ZNF311: variants seen among roughly 807,000 people sequenced by gnomAD.
ZNF311 encodes the protein zinc finger protein zfp31.
A neutral mutation model predicts 22.7 loss-of-function variants in ZNF311; 14 were observed. That is an observed-to-expected ratio of 0.62 (90% CI 0.41 to 0.96). ZNF311 has a LOEUF of 0.96. ZNF311 is among the 40% of genes least tolerant of loss of function. The pLI, the probability that ZNF311 is intolerant of heterozygous loss-of-function variation, is 0.00. For synonymous variants in ZNF311, 250 were observed against 275.3 expected, an observed-to-expected ratio of 0.91 and a Z score of 0.91; for missense variants, 731 against 799.0, an observed-to-expected ratio of 0.91 and a Z score of 1.03.
chr6:28,998,461 G>C (rs1779944569), intron 6 of ZNF311, among the ~76,000 whole-genome samples: 1 of 152,044 alleles, frequency 6.6e-6, no homozygotes, highest in African/African-American at 2.4e-5. Context: ...CAAATTGCTG[G>C]GATTACAGGC....
chr6:28,999,778 G>A, intron 4 of ZNF311, 165 bp from the exon 5 acceptor site: 1 of 1,262,536 alleles, frequency 7.9e-7, no homozygotes, highest in Non-Finnish European at 1.1e-6. Context: ...GGTTTTGATA[G>A]CAAAAAATAA....
At position 28,994,976 on chromosome 6, in the gene ZNF311, G is replaced by C. The variant is rs1184362151; in HGVS notation, c.*25C>G. 6.4e-6 allele frequency: 10 copies of C among 1,555,252 alleles called. No homozygotes were observed. The highest frequency in any genetic ancestry group is 1.4e-5 in the African/African-American group (1 of 72,952). ...ACCAGCCTAAGAGGTAGGAAAAACA[G>C]AAAGTAACACCAGAATCGTTATACT... On this transcript the variant is annotated 3_prime_UTR_variant, in exon 7 of 7. Coordinates refer to ENST00000377179, the MANE Select transcript of ZNF311 (RefSeq NM_001382360.1).
chr6:29,003,912 C>T, intron 2 of ZNF311, 34 bp downstream of exon 2: 1 of 1,612,896 alleles, frequency 6.2e-7, no homozygotes, highest in Admixed American at 1.7e-5. Context: ...CCTTCTTCCT[C>T]CTTGTGATGT....
rs757240376 is a variant in ZNF311 at position 28,996,638 on chromosome 6, G to A, written c.416-52C>T. 7 of 1,524,608 alleles carry A rather than the reference G, an allele frequency of 4.6e-6. No individual in the cohort carries two copies. In the African/African-American group the frequency reaches 8.3e-5, roughly 18 times the overall value. 94.4% of individuals were successfully genotyped at this position (1,524,608 alleles called of 1,614,324 possible). A position where few individuals can be genotyped will look rare whatever the true frequency, so the allele number is the denominator to read the frequency against. ...AGGGAAGGAAATAAGTGAGATGGGA[G>A]GCGTGAAGCAATGTTAAGCTGTTTG... On this transcript the variant is annotated intron_variant, in intron 6 of 6. Transcript: ENST00000377179.
In ZNF311 at chr6:28,999,519, A is replaced by T. The variant is rs1356105547; in HGVS notation, c.278T>A (p.Met93Lys). The change falls in exon 5 of 7, where the codon ATG becomes AAG. Residue 93 changes from methionine to lysine, a missense_variant. Met to Lys is a moderately conservative substitution (Grantham distance 95). Transcript: ENST00000377179. ...YAQRHLYKDV[M>K]LENYGNMVSL... The stretch of plus-strand genomic sequence containing the variant: ...TACCATGTTCCCATAATTTTCCAAC[A>T]TCACATCCTTATAGAGATGCCTTTG... The T allele has an allele frequency of 3.7e-6, 6 of 1,613,172 alleles. No homozygotes were observed. In the South Asian group the frequency reaches 6.6e-5, roughly 18 times the overall value.
intron 6 of ZNF311, 128 bp downstream of exon 6, chr6:28,998,606 T>A (rs959030956): frequency 3.2e-6 from 2 of 628,880 alleles, no homozygotes; most frequent in African/African-American, 3.7e-5. Flanking sequence ...CAATTTTCTT[T>A]TCCTTAAGTT....
chr6:29,003,459 C>T (rs1780730520), intron 3 of ZNF311, 54 bp downstream of exon 3: 1 of 1,562,772 alleles, frequency 6.4e-7, no homozygotes. Context: ...ACTCTGTGTC[C>T]TTACTACATT....
intron 1 of ZNF311, among the ~76,000 whole-genome samples, chr6:29,004,560 T>A (rs981419431): frequency 2.9e-4 from 43 of 148,014 alleles, no homozygotes; most frequent in African/African-American, 1.0e-3. Flanking sequence ...AATAGGGCAG[T>A]CTGAGTAGTC....
chr6:28,999,867 T>A, intron 4 of ZNF311, 89 bp downstream of exon 4: 1 of 1,402,042 alleles, frequency 7.1e-7, no homozygotes, highest in Non-Finnish European at 9.9e-7. Flanking sequence ...GATTTAGGAG[T>A]TGCACAGCCA....
rs1323420350 is a variant in ZNF311, at chr6:28,999,471, T to G, written c.310+16A>C. On this transcript the variant is annotated intron_variant, in intron 5 of 6. Coordinates refer to ENST00000377179, the MANE Select transcript of ZNF311 (RefSeq NM_001382360.1). Reference sequence around the variant, plus strand: ...AAAAGAAGGTAGAAAGCATTAAGTGTAGGGAAGGTCCTTACCAAGTGATAC... The same window carrying G: ...AAAAGAAGGTAGAAAGCATTAAGTGGAGGGAAGGTCCTTACCAAGTGATAC... The G allele has an allele frequency of 6.2e-7, 1 of 1,600,740 alleles. No individual in the cohort carries two copies. Among genetic ancestry groups the G allele is most frequent in the African/African-American group, 1.3e-5 (1 of 74,394 alleles).
chr6:28,996,886 C>T (rs997953210), intron 6 of ZNF311, among the ~76,000 whole-genome samples: 1 of 152,238 alleles, frequency 6.6e-6, no homozygotes, highest in Non-Finnish European at 1.5e-5. Flanking sequence ...AACTCTGTCT[C>T]CCTTGTATTT....
chr6:29,004,082 T>C lies in ZNF311; in HGVS notation c.-128A>G. 3.1e-6 allele frequency: 5 copies of C among 1,601,078 alleles called. No individual in the cohort carries two copies. ...GCCAGCCTCCTTTGGAGAACACATG[T>C]TTTGGTGGTGCCAGCCAAAGGGCCC... On this transcript the variant is annotated 5_prime_UTR_variant, in exon 2 of 7. Coordinates refer to ENST00000377179, the MANE Select transcript of ZNF311 (RefSeq NM_001382360.1).
In ZNF311 at chr6:28,995,342, G is replaced by A; in HGVS notation, c.1660C>T (p.Pro554Ser). Residue 554 changes from proline (P) to serine (S), a missense_variant, in exon 7 of 7, where the codon CCT becomes TCT. By Grantham distance (74) the Pro-to-Ser change is moderately conservative. Transcript: ENST00000377179. The surrounding 1 kb of genome is among the most constrained non-coding windows in gnomAD (Gnocchi z 4.7). ...NHRRIHTGEK[P>S]HKCEVCGMAF... The stretch of plus-strand genomic sequence containing the variant: ...ATTCCACATACCTCACATTTGTGAG[G>A]CTTCTCTCCAGTGTGAATTCTTCGA... The A allele has an allele frequency of 6.2e-7, 1 of 1,614,018 alleles. No individual in the cohort carries two copies. Among genetic ancestry groups the A allele is most frequent in the South Asian group, 1.1e-5 (1 of 91,084 alleles).
At position 28,996,324 on chromosome 6, in the gene ZNF311, T is replaced by C. The variant is rs1256859355; in HGVS notation, c.678A>G (p.Lys226=). The C allele has an allele frequency of 6.2e-7, 1 of 1,612,798 alleles. No homozygotes were observed. The highest frequency in any genetic ancestry group is 1.3e-5 in the African/African-American group (1 of 74,938). Residue 226 remains lysine, a synonymous_variant, in exon 7 of 7, where the codon AAA becomes AAG. Coordinates refer to ENST00000377179, the MANE Select transcript of ZNF311 (RefSeq NM_001382360.1). The part of the protein sequence containing the change: ...KKGKNQKVLS[K]NLNPNSKHSQ... ...TATGTTTTGAGTTTGGATTCAAGTTTTTACTAAGCACTTTCTGGTTCTTTC... is the reference window on the plus strand; with the variant it reads ...TATGTTTTGAGTTTGGATTCAAGTTCTTACTAAGCACTTTCTGGTTCTTTC...
chr6:29,000,679 A>G (rs993353857), intron 3 of ZNF311, among the ~76,000 whole-genome samples: 1 of 152,154 alleles, frequency 6.6e-6, no homozygotes, highest in African/African-American at 2.4e-5. Context: ...CTATGTCAAT[A>G]TAGTATAGCA....
Position 29,003,532 on chromosome 6 carries a change from G to C in ZNF311, c.72C>G (p.Thr24=), listed in dbSNP as rs766112767. 2.6e-5 allele frequency: 42 copies of C among 1,612,830 alleles called. No individual in the cohort carries two copies. The Admixed American group carries it at 6.8e-4, about 26-fold the overall frequency. ...PSQLLWTRQD[T]QLPQESALLP... is the part of the protein sequence containing the mutation. ...TCTCACCGCTTTCCTGAGGGAGCTG[G>C]GTATCCTGGCGGGTCCAAAGCAGCT... The change falls in exon 3 of 7, where the codon ACC becomes ACG. Residue 24 remains threonine (T), a synonymous_variant. Coordinates refer to ENST00000377179, the MANE Select transcript of ZNF311 (RefSeq NM_001382360.1).
At chr6:28,998,565 G>A (rs1779959707) in intron 6 of ZNF311, among the ~76,000 whole-genome samples, 169 bp downstream of exon 6, 1 of 152,124 alleles carries the variant, frequency 6.6e-6, no homozygotes, top group Non-Finnish European at 1.5e-5. Context: ...GATAATAACA[G>A]AATAATTGCC....
upstream of ZNF311, among the ~76,000 whole-genome samples, chr6:29,005,505 G>A (rs1487738287): frequency 6.6e-6 from 1 of 151,996 alleles, no homozygotes; most frequent in Non-Finnish European, 1.5e-5. Flanking sequence ...GGGGGCGACG[G>A]CGGCACCGGA....
Position 28,999,518 on chromosome 6 carries a change from C to CATCA in ZNF311, c.275_278dup (p.Met93IlefsTer18). 1 of 1,612,954 alleles carries CATCA rather than the reference C, an allele frequency of 6.2e-7. No homozygotes were observed. Among genetic ancestry groups the CATCA allele is most frequent in the Non-Finnish European group, 8.5e-7 (1 of 1,179,784 alleles). ...ATACCATGTTCCCATAATTTTCCAACATCACATCCTTATAGAGATGCCTTT... is the reference window on the plus strand; with the variant it reads ...ATACCATGTTCCCATAATTTTCCAACATCAATCACATCCTTATAGAGATGCCTTT... On this transcript the variant is annotated frameshift_variant, in exon 5 of 7. Coordinates refer to ENST00000377179, the MANE Select transcript of ZNF311 (RefSeq NM_001382360.1). LOFTEE classifies it high-confidence loss of function.
Sources: gnomAD v4.1 joint callset for allele counts (sites outside exome capture counted in the v4.1 genomes callset) on GRCh38, gnomAD v4.1.1 for gene constraint, Gnocchi (gnomAD v3.1) non-coding constraint, MANE v1.5 for transcripts, NCBI Gene and HGNC (gene_info 2026-07-23, HGNC 2026-07-21) for gene names.